Variants in LILRA1 observed in about 807,000 individuals in gnomAD.
The protein encoded by LILRA1 is leukocyte immunoglobulin like receptor A1, also known as leukocyte immunoglobulin-like receptor subfamily A member 1.
LILRA1 carries 51 observed loss-of-function variants against 51.6 expected under a neutral mutation model. The ratio of observed to expected loss-of-function variants is 0.99; its 90% CI spans 0.79 to 1.25. LILRA1 has a LOEUF of 1.25. LILRA1 is among the 50% of genes most tolerant of loss of function. The pLI is 0.00. For missense variants in LILRA1, 660 were observed against 611.7 expected, an observed-to-expected ratio of 1.08 and a Z score of -0.83; for synonymous variants, 305 against 248.4, an observed-to-expected ratio of 1.23 and a Z score of -2.14.
chr19:54,598,487 C>T (rs1251201678), intron 7 of LILRA1, among the ~76,000 whole-genome samples: 4 of 152,114 alleles, frequency 2.6e-5, no homozygotes, highest in Non-Finnish European at 5.9e-5. Flanking sequence ...GGGAGGTCAG[C>T]GGGAGCTACA....
rs2063167190 is a variant in LILRA1, at chr19:54,601,912, C to A, written c.*1095C>A. On this transcript the variant is annotated 3_prime_UTR_variant, in exon 10 of 10. Transcript: ENST00000251372. ...ACTGTTGTGTTTGAAGGATGTAAAA[C>A]CCTGCTGCATAGGATGGAATATTTG... 1.3e-5 allele frequency: 2 copies of A among 152,186 alleles called. No homozygotes were observed. Among genetic ancestry groups the A allele is most frequent in the South Asian group, 4.1e-4 (2 of 4,832 alleles). The allele number at this position is 152,186 out of a possible 1,614,324, so 9.4% of individuals were successfully genotyped here.
chr19:54,600,953 ATT>A lies in LILRA1; in HGVS notation c.*140_*141del. 1.0e-6 allele frequency: 1 copy of A among 954,574 alleles called. No individual in the cohort carries two copies. Among genetic ancestry groups the A allele is most frequent in the Non-Finnish European group, 1.7e-6 (1 of 600,610 alleles). 59.1% of individuals were successfully genotyped at this position (954,574 alleles called of 1,614,324 possible). A position where few individuals can be genotyped will look rare whatever the true frequency, so the allele number is the denominator to read the frequency against. ...ATGCTATCTGGACTGTCTGCCAATCATTTTTAGAGGGAGGAATCAGTGTTGGA... is the reference window on the plus strand; with the variant it reads ...ATGCTATCTGGACTGTCTGCCAATCATTTAGAGGGAGGAATCAGTGTTGGA... On this transcript the variant is annotated 3_prime_UTR_variant, in exon 10 of 10. Transcript: ENST00000251372.
At chr19:54,596,884 A>G (rs1489044598) in intron 7 of LILRA1, among the ~76,000 whole-genome samples, 1 of 151,662 alleles carries the variant, frequency 6.6e-6, no homozygotes, top group Non-Finnish European at 1.5e-5. Context: ...AAGGAAAAGA[A>G]AAGAGTGGAG....
Position 54,596,340 on chromosome 19 carries a change from A to T in LILRA1, c.1110A>T (p.Arg370Ser). The change falls in exon 7 of 10, where the codon AGA becomes AGT. Residue 370 changes from arginine to serine, a missense_variant. By Grantham distance (110) the Arg-to-Ser change is moderately radical. Coordinates refer to ENST00000251372, the MANE Select transcript of LILRA1 (RefSeq NM_006863.4). ...AGAADAPLRLRSIHEYPKYQA... is the reference protein window; with the variant it reads ...AGAADAPLRLSSIHEYPKYQA... The stretch of plus-strand genomic sequence containing the variant: ...CAGCTGATGCCCCCCTCCGTCTCAG[A>T]TCAATACACGAATATCCTAAGTACC... The T allele has an allele frequency of 6.2e-7, 1 of 1,614,036 alleles. No homozygotes were observed. Among genetic ancestry groups the T allele is most frequent in the Non-Finnish European group, 8.5e-7 (1 of 1,179,994 alleles).
In LILRA1 at chr19:54,594,362, G is replaced by C. The variant is rs914070128; in HGVS notation, c.35-79G>C. 12 of 1,613,992 alleles carry C rather than the reference G, an allele frequency of 7.4e-6. No homozygotes were observed. In the African/African-American group the frequency reaches 1.6e-4, roughly 22 times the overall value. On this transcript the variant is annotated intron_variant, in intron 2 of 9. Transcript: ENST00000251372. ...ACCTCTAGTCCCTAAGGAGACCCCA[G>C]GGGCTCACAAAGATCCCAGGGAGGG...
intron 7 of LILRA1, among the ~76,000 whole-genome samples, 200 bp downstream of exon 7, chr19:54,596,691 C>G (rs1053188189): frequency 6.6e-6 from 1 of 152,030 alleles, no homozygotes; most frequent in Non-Finnish European, 1.5e-5. Flanking sequence ...CACAGTGAAC[C>G]CCGTCTCCAC....
intron 7 of LILRA1, 86 bp from the exon 8 acceptor site, chr19:54,599,149 GT>G: frequency 7.3e-7 from 1 of 1,365,388 alleles, no homozygotes; most frequent in Non-Finnish European, 9.7e-7. Context: ...TGACAGGGAG[GT>G]TATATAAGTT....
chr19:54,599,900 C>T (rs1333551940), intron 8 of LILRA1, among the ~76,000 whole-genome samples: 1 of 152,028 alleles, frequency 6.6e-6, no homozygotes. Context: ...GATTTATGAA[C>T]CTTGAGTGAC....
chr19:54,600,074 A>G (rs1025928211), intron 8 of LILRA1, among the ~76,000 whole-genome samples: 4 of 152,004 alleles, frequency 2.6e-5, no homozygotes, highest in Non-Finnish European at 5.9e-5. Context: ...AAGAAGAAGC[A>G]CCCCCAGACT....
chr19:54,596,321 A>T lies in LILRA1; in HGVS notation c.1091A>T (p.Asp364Val). The T allele has an allele frequency of 6.2e-7, 1 of 1,614,056 alleles. No homozygotes were observed. Among genetic ancestry groups the T allele is most frequent in the South Asian group, 1.1e-5 (1 of 91,074 alleles). The change falls in exon 7 of 10, where the codon GAT becomes GTT. Residue 364 changes from aspartate (D) to valine (V), a missense_variant. Physicochemically the swap from Asp to Val is radical, Grantham distance 152. Coordinates refer to ENST00000251372, the MANE Select transcript of LILRA1 (RefSeq NM_006863.4). ...TFLLTKAGAA[D>V]APLRLRSIHE... The stretch of plus-strand genomic sequence containing the variant: ...CTTCTGACCAAGGCGGGAGCAGCTG[A>T]TGCCCCCCTCCGTCTCAGATCAATA...
chr19:54,594,988 T>G (rs1474040139), intron 4 of LILRA1, 36 bp downstream of exon 4: 1 of 1,572,340 alleles, frequency 6.4e-7, no homozygotes, highest in Admixed American at 1.7e-5. Flanking sequence ...CCCCAGGCTC[T>G]GCCCTCAGGA....
At position 54,595,625 on chromosome 19, in the gene LILRA1, G is replaced by C. The variant is rs200299272; in HGVS notation, c.662-14G>C. The stretch of plus-strand genomic sequence containing the variant: ...GAGGGTCGGCTCCTGGAAACCATGA[G>C]CACCTTTTCCCAGGTGTTTCTAAGA... On this transcript the variant is annotated splice_polypyrimidine_tract_variant and intron_variant, in intron 5 of 9. Coordinates refer to ENST00000251372, the MANE Select transcript of LILRA1 (RefSeq NM_006863.4). The C allele has an allele frequency of 5.7e-4, 915 of 1,597,156 alleles. 1 individual carries two copies. The highest frequency in any genetic ancestry group is 3.5e-3 in the Middle Eastern group (21 of 5,928).
In LILRA1 at chr19:54,600,828, G is replaced by A. The variant is rs371893837; in HGVS notation, c.*11G>A. 6.6e-5 allele frequency: 106 copies of A among 1,613,598 alleles called. No individual in the cohort carries two copies. Among genetic ancestry groups the A allele is most frequent in the Non-Finnish European group, 8.5e-5 (100 of 1,179,636 alleles). On this transcript the variant is annotated 3_prime_UTR_variant, in exon 10 of 10. Transcript: ENST00000251372. Reference sequence around the variant, plus strand: ...CAGAGAAGCCTCTGAGATGCAGCCGGGAGGTGAACAGCAGAGAGAAGAATG... The same window carrying A: ...CAGAGAAGCCTCTGAGATGCAGCCGAGAGGTGAACAGCAGAGAGAAGAATG...
chr19:54,599,886 T>C (rs1252748780), intron 8 of LILRA1, among the ~76,000 whole-genome samples: 1 of 152,212 alleles, frequency 6.6e-6, no homozygotes, highest in African/African-American at 2.4e-5. Context: ...TAAAAACAAA[T>C]ACTGATTTAT....
chr19:54,596,555 G>A (rs2063063475), intron 7 of LILRA1, 64 bp downstream of exon 7: 4 of 1,603,022 alleles, frequency 2.5e-6, no homozygotes, highest in Non-Finnish European at 3.4e-6. Flanking sequence ...CCCCCCAGGA[G>A]AGCTCTGGAC....
rs1476149258 is a variant in LILRA1, at chr19:54,594,836, G to A, written c.242G>A (p.Gly81Asp). The change falls in exon 4 of 10, where the codon GGC (glycine) becomes GAC (aspartate). Residue 81 changes from glycine to aspartate, a missense_variant. Physicochemically the swap from Gly to Asp is moderately conservative, Grantham distance 94. Coordinates refer to ENST00000251372, the MANE Select transcript of LILRA1 (RefSeq NM_006863.4). ...ATCCCACAGGAGATTGTGAAGAAGGGCCAGTTCCCCATCCCATCCATCACC... is the reference window on the plus strand; with the variant it reads ...ATCCCACAGGAGATTGTGAAGAAGGACCAGTTCCCCATCCCATCCATCACC... Reference protein sequence around the residue: ...TRIPQEIVKKGQFPIPSITWE... With the variant: ...TRIPQEIVKKDQFPIPSITWE... 6.2e-7 allele frequency: 1 copy of A among 1,614,008 alleles called. No homozygotes were observed. Among genetic ancestry groups the A allele is most frequent in the Admixed American group, 1.7e-5 (1 of 60,004 alleles).
rs184842245 is a variant in LILRA1 at position 54,597,570 on chromosome 19, G to A, written c.1261+1079G>A. Among the ~76,000 whole-genome samples, 424 of 152,168 alleles carry A rather than the reference G, an allele frequency of 2.8e-3. 2 individuals are homozygous for A. Among genetic ancestry groups the A allele is most frequent in the African/African-American group, 9.9e-3 (412 of 41,500 alleles). ...ACGAGTAGAAGAGGGAGAACAGGTC[G>A]GGTCAGCAGGATTTGGGGTCCAGCC... On this transcript the variant is annotated intron_variant, in intron 7 of 9. Coordinates refer to ENST00000251372, the MANE Select transcript of LILRA1 (RefSeq NM_006863.4).
rs2063061981 is a variant in LILRA1 at position 54,596,500 on chromosome 19, C to A, written c.1261+9C>A. 1.2e-6 allele frequency: 2 copies of A among 1,614,086 alleles called. No individual in the cohort carries two copies. The highest frequency in any genetic ancestry group is 4.5e-5 in the East Asian group (2 of 44,872). ...GGAGCTCATGGTCTCAGGTGAGGGC[C>A]CTGACCCTGTCCTCTCCGAGCTCAA... On this transcript the variant is annotated intron_variant, in intron 7 of 9. Coordinates refer to ENST00000251372, the MANE Select transcript of LILRA1 (RefSeq NM_006863.4).
intron 5 of LILRA1, 56 bp from the exon 6 acceptor site, chr19:54,595,583 G>T (rs1479269788): frequency 2.3e-5 from 14 of 612,826 alleles, no homozygotes; most frequent in Non-Finnish European, 2.9e-5. Flanking sequence ...GGAGAGGGAG[G>T]ATATGTGGGG....
Sources: allele counts gnomAD v4.1 joint callset (sites outside exome capture counted in the v4.1 genomes callset), GRCh38; gene constraint gnomAD v4.1.1; transcripts MANE v1.5; gene names NCBI Gene and HGNC (gene_info 2026-07-23, HGNC 2026-07-21).